MMP26: variants seen among roughly 807,000 people sequenced by gnomAD.
The protein encoded by MMP26 is matrix metallopeptidase 26, also known as matrix metalloproteinase-26.
In MMP26, 33 loss-of-function variants were observed where a neutral mutation model predicts 31.0. The observed-to-expected ratio is 1.06, with a 90% CI of 0.81 to 1.42. The LOEUF (loss-of-function observed/expected upper bound fraction) is 1.42. Ranked by LOEUF, MMP26 falls within the 40% of genes most tolerant of loss-of-function variation. MMP26 has a pLI of 0.00. For missense variants in MMP26, 347 were observed against 316.1 expected (o/e 1.10, Z -0.74); for synonymous variants, 122 against 114.9 (o/e 1.06, Z -0.40).
intron 1 of MMP26, among the ~76,000 whole-genome samples, chr11:4,713,715 TA>T (rs1847890846): frequency 6.6e-6 from 1 of 151,996 alleles, no homozygotes; most frequent in South Asian, 2.1e-4. Context: ...TAAAAATATA[TA>T]AAATTCACCT....
intron 2 of MMP26, among the ~76,000 whole-genome samples, chr11:4,857,122 A>G (rs1217116717): frequency 6.6e-6 from 1 of 152,208 alleles, no homozygotes; most frequent in Non-Finnish European, 1.5e-5. Flanking sequence ...AGAAAGCAGG[A>G]AAGATCTAAA....
chr11:4,991,410 T>A lies in MMP26; in HGVS notation c.509T>A (p.Ile170Asn). Reference sequence around the variant, plus strand: ...TGGCCCTTTGATGGGCCAGGTGGTATCTTAGGCCATGCCTTTTTACCAAAT... The same window carrying A: ...TGGCCCTTTGATGGGCCAGGTGGTAACTTAGGCCATGCCTTTTTACCAAAT... ...DGWPFDGPGG[I>N]LGHAFLPNSG... Residue 170 changes from isoleucine to asparagine, a missense_variant, in exon 6 of 8, where the codon ATC becomes AAC. By Grantham distance (149) the Ile-to-Asn change is moderately radical. Coordinates refer to ENST00000380390, the MANE Select transcript of MMP26 (RefSeq NM_021801.5). 4 of 1,614,034 alleles carry A rather than the reference T, an allele frequency of 2.5e-6. No individual in the cohort carries two copies. The highest frequency in any genetic ancestry group is 3.4e-6 in the Non-Finnish European group (4 of 1,179,890).
intron 2 of MMP26, among the ~76,000 whole-genome samples, chr11:4,963,380 A>G (rs555024027): frequency 2.2e-4 from 33 of 152,180 alleles, no homozygotes; most frequent in African/African-American, 8.0e-4. Context: ...GTTAGAAAAA[A>G]CTACTTTAAA....
chr11:4,739,466 T>C lies in MMP26; in HGVS notation c.-216-27804T>C, dbSNP rs778283024. ...TCTGGTAGTGCTTTGAATATTAATG[T>C]TTTGTTCTTCTTGACCTCAAGAAGA... On this transcript the variant is annotated intron_variant, in intron 1 of 7. Transcript: ENST00000380390. Among the ~76,000 whole-genome samples, 5 of 152,302 alleles carry C rather than the reference T, an allele frequency of 3.3e-5. No individual in the cohort carries two copies. The East Asian group carries it at 9.6e-4, about 29-fold the overall frequency.
intron 2 of MMP26, among the ~76,000 whole-genome samples, chr11:4,837,433 A>G (rs1466140748): frequency 1.3e-5 from 2 of 152,068 alleles, no homozygotes; most frequent in Non-Finnish European, 2.9e-5. Flanking sequence ...CCTGGTCTCA[A>G]ACTCCTGTAC....
At chr11:4,893,866 G>C (rs926595413) in intron 2 of MMP26, among the ~76,000 whole-genome samples, 8 of 151,936 alleles carry the variant, frequency 5.3e-5, no homozygotes, top group Admixed American at 1.3e-4. Context: ...TTGGGAAGCT[G>C]AGACAGGATG....
intron 2 of MMP26, among the ~76,000 whole-genome samples, chr11:4,936,234 G>T (rs1025237234): frequency 1.5e-4 from 23 of 149,804 alleles, no homozygotes; most frequent in Admixed American, 4.0e-4. Context: ...GTAAACTATT[G>T]ATTATTGCCA....
At chr11:4,855,431 G>A (rs892832595) in intron 2 of MMP26, among the ~76,000 whole-genome samples, 1 of 152,182 alleles carries the variant, frequency 6.6e-6, no homozygotes, top group Non-Finnish European at 1.5e-5. Flanking sequence ...GCATGCACAA[G>A]CTTCAGTAGA....
At chr11:4,769,038 C>A (rs1030726) in intron 2 of MMP26, 362,751 of 1,534,484 alleles carry the variant, frequency 0.24, 47,659 homozygotes, top group African/African-American at 0.44. Context: ...TTTACACTGT[C>A]GATGATGGGG....
chr11:4,768,232 C>G (rs1848656616), intron 2 of MMP26, among the ~76,000 whole-genome samples: 1 of 152,208 alleles, frequency 6.6e-6, no homozygotes, highest in South Asian at 2.1e-4. Context: ...TTCTAGTTCT[C>G]TCAAGTTCCC....
At chr11:4,955,512 A>G in intron 2 of MMP26, 1 of 1,315,200 alleles carries the variant, frequency 7.6e-7, no homozygotes, top group Non-Finnish European at 1.1e-6. Flanking sequence ...GACATAGCCA[A>G]CATGGAAAGA....
chr11:4,707,041 G>C (rs1847789888), intron 1 of MMP26, among the ~76,000 whole-genome samples: 2 of 152,202 alleles, frequency 1.3e-5, no homozygotes, highest in African/African-American at 4.8e-5. Context: ...AATGAATATG[G>C]AAGTGCAGAT....
intron 1 of MMP26, among the ~76,000 whole-genome samples, chr11:4,727,131 A>C (rs1166950604): frequency 6.6e-6 from 1 of 152,128 alleles, no homozygotes; most frequent in East Asian, 1.9e-4. Context: ...GGTAAGAAAA[A>C]AATGTTTTCC....
intron 2 of MMP26, among the ~76,000 whole-genome samples, chr11:4,783,813 C>T (rs1029880981): frequency 1.3e-5 from 2 of 152,122 alleles, no homozygotes; most frequent in Admixed American, 6.5e-5. Context: ...TAAGGGGCAA[C>T]CTGTTTCTCT....
intron 2 of MMP26, among the ~76,000 whole-genome samples, chr11:4,905,098 T>G (rs191025941): frequency 4.6e-4 from 70 of 152,268 alleles, no homozygotes; most frequent in African/African-American, 1.7e-3. Context: ...AAGAGTTAAG[T>G]GCATTCAGAG....
intron 2 of MMP26, among the ~76,000 whole-genome samples, chr11:4,961,263 G>C (rs564075088): frequency 2.0e-5 from 3 of 152,272 alleles, no homozygotes; most frequent in Admixed American, 1.3e-4. Flanking sequence ...TTAAATTTCC[G>C]ATGTCCAAGG....
intron 2 of MMP26, among the ~76,000 whole-genome samples, chr11:4,805,379 T>C (rs1472861986): frequency 6.6e-6 from 1 of 152,222 alleles, no homozygotes; most frequent in African/African-American, 2.4e-5. Flanking sequence ...TTTGAGAAAT[T>C]GTGGCCTATA....
chr11:4,735,574 C>G (rs61883469), intron 1 of MMP26, among the ~76,000 whole-genome samples: 36,986 of 152,014 alleles, frequency 0.24, 4,910 homozygotes, highest in Non-Finnish European at 0.29. Flanking sequence ...TCTATATATC[C>G]TAACATATTA....
At chr11:4,939,731 C>T (rs1413560478) in intron 2 of MMP26, among the ~76,000 whole-genome samples, 1 of 152,084 alleles carries the variant, frequency 6.6e-6, no homozygotes, top group Non-Finnish European at 1.5e-5. Context: ...TTCACAACCT[C>T]TCAATGTGCC....
Sources: gnomAD v4.1 joint callset for allele counts (sites outside exome capture counted in the v4.1 genomes callset) on GRCh38, gnomAD v4.1.1 for gene constraint, MANE v1.5 for transcripts, NCBI Gene and HGNC (gene_info 2026-07-23, HGNC 2026-07-21) for gene names.